The following ANKRD36 variants were observed in gnomAD, a reference collection of about 807,000 sequenced individuals.
The protein encoded by ANKRD36 is ankyrin repeat domain 36.
In ANKRD36, 179 loss-of-function variants were observed where a neutral mutation model predicts 278.1. The ratio of observed to expected loss-of-function variants is 0.64; its 90% CI spans 0.57 to 0.73. The LOEUF (loss-of-function observed/expected upper bound fraction) is 0.73, where lower values mean the gene tolerates loss of function less well. Ranked by LOEUF, ANKRD36 falls within the 30% of genes least tolerant of loss-of-function variation. The pLI is 0.00. For missense variants in ANKRD36, 1,159 were observed against 1,956.7 expected, an observed-to-expected ratio of 0.59 and a Z score of 7.69; for synonymous variants, 320 against 641.1, an observed-to-expected ratio of 0.50 and a Z score of 7.57.
intron 17 of ANKRD36, 64 bp downstream of exon 17, chr2:97,158,719 C>T (rs1274360043): frequency 5.0e-6 from 7 of 1,397,270 alleles, no homozygotes; most frequent in Non-Finnish European, 6.8e-6. Flanking sequence ...TTCACCAACT[C>T]ACTCTTATCT....
intron 24 of ANKRD36, 145 bp from the exon 25 acceptor site, chr2:97,181,453 C>T: frequency 2.1e-6 from 2 of 950,980 alleles, no homozygotes; most frequent in South Asian, 3.6e-5. Context: ...CTGTCATGTT[C>T]CAGTCTCCAG....
In ANKRD36 at chr2:97,209,803, A is replaced by G. The variant is rs1299744411; in HGVS notation, c.3298A>G (p.Thr1100Ala). 6.2e-7 allele frequency: 1 copy of G among 1,600,844 alleles called. No individual in the cohort carries two copies. Among genetic ancestry groups the G allele is most frequent in the Non-Finnish European group, 8.5e-7 (1 of 1,175,916 alleles). Residue 1100 changes from threonine to alanine, a missense_variant, in exon 56 of 76, where the codon ACA (threonine) becomes GCA (alanine). Coordinates refer to ENST00000420699, the MANE Select transcript of ANKRD36 (RefSeq NM_001354587.1). ...SSRKKPALKA[T>A]SDEKDSVLYI... ...TTTCATTTCAAATTCCATTCAGGCT[A>G]CAAGTGACGAGAAAGATTCTGTTTT...
At chr2:97,151,285 C>G (rs551408657) in intron 12 of ANKRD36, among the ~76,000 whole-genome samples, 2 of 151,826 alleles carry the variant, frequency 1.3e-5, no homozygotes, top group Non-Finnish European at 2.9e-5. Flanking sequence ...GGCCTTCATT[C>G]GTGAATCATT....
rs1206067049 is a variant in ANKRD36 at position 97,118,920 on chromosome 2, C to G, written c.486+403C>G. On this transcript the variant is annotated intron_variant, in intron 3 of 75. Transcript: ENST00000420699. ...TGTCAAAGAAAATTAAAGAATTTCA[C>G]AATAAATGTACATGTTGTTGCTGTT... 2.5e-5 allele frequency: 2 copies of G among 78,864 alleles called. 1 individual carries two copies. The highest frequency in any genetic ancestry group is 2.2e-4 in the Admixed American group (2 of 8,992). 4.9% of individuals were successfully genotyped at this position (78,864 alleles called of 1,614,324 possible).
intron 52 of ANKRD36, among the ~76,000 whole-genome samples, chr2:97,206,918 C>G (rs900076488): frequency 6.6e-6 from 1 of 151,490 alleles, no homozygotes; most frequent in Non-Finnish European, 1.5e-5. Context: ...ATAGCTATTT[C>G]ATGAAACTTC....
rs565065385 is a variant in ANKRD36, at chr2:97,207,958, G to A, written c.3217G>A (p.Val1073Ile). The change falls in exon 54 of 76, where the codon GTT (valine) becomes ATT (isoleucine). Residue 1073 changes from valine (V) to isoleucine (I), a missense_variant. Physicochemically the swap from Val to Ile is conservative, Grantham distance 29 (BLOSUM62 3). Coordinates refer to ENST00000420699, the MANE Select transcript of ANKRD36 (RefSeq NM_001354587.1). The stretch of plus-strand genomic sequence containing the variant: ...GGCTACAAGTGCCGAGAAAGATTCT[G>A]TTTTGAATATAGCCAGAGGAAAAAA... Reference protein sequence around the residue: ...LKATSAEKDSVLNIARGKKYG... With the variant: ...LKATSAEKDSILNIARGKKYG... 61 of 1,526,900 alleles carry A rather than the reference G, an allele frequency of 4.0e-5. 5 individuals carry two copies. In the African/African-American group the frequency reaches 8.5e-4, roughly 21 times the overall value. The allele number at this position is 1,526,900 out of a possible 1,614,324, so 94.6% of individuals were successfully genotyped here.
intron 24 of ANKRD36, 93 bp downstream of exon 24, chr2:97,180,026 T>A: frequency 6.4e-7 from 1 of 1,563,012 alleles, no homozygotes. Flanking sequence ...CCATCTAAGC[T>A]GCACGTTCTG....
chr2:97,243,931 G>T lies in ANKRD36; in HGVS notation c.4393G>T (p.Glu1465Ter), dbSNP rs745722728. Residue 1465 changes from glutamate (E) to a stop codon, truncating the protein, a stop_gained, in exon 70 of 76, where the codon GAG becomes TAG. Transcript: ENST00000420699. LOFTEE classifies it high-confidence loss of function. ...TAGGGAAAAGTTAAGAATAACAGAA[G>T]AGCAATATAGGATAGAAGCTGATGT... ...KVREKLRITEEQYRIEADVTK... is the reference protein window; with the variant it reads ...KVREKLRITE 3.7e-6 allele frequency: 6 copies of T among 1,604,486 alleles called. No individual in the cohort carries two copies. The Admixed American group carries it at 1.0e-4, about 27-fold the overall frequency.
At chr2:97,231,887 T>C (rs563333486) in intron 67 of ANKRD36, among the ~76,000 whole-genome samples, 496 of 152,062 alleles carry the variant, frequency 3.3e-3, no homozygotes, top group Non-Finnish European at 8.4e-4. Context: ...AGCACTCAAG[T>C]GTACACTGTT....
chr2:97,184,233 G>T (rs929603798), intron 28 of ANKRD36, among the ~76,000 whole-genome samples: 3 of 151,760 alleles, frequency 2.0e-5, no homozygotes, highest in Non-Finnish European at 4.4e-5. Context: ...CATACCAGAA[G>T]ATTTGATTTC....
rs577598046 is a variant in ANKRD36 at position 97,154,632 on chromosome 2, G to T, written c.1194-43G>T. 6 of 1,419,878 alleles carry T rather than the reference G, an allele frequency of 4.2e-6. No homozygotes were observed. The Admixed American group carries it at 6.1e-5, about 14-fold the overall frequency. 88.0% of individuals were successfully genotyped at this position (1,419,878 alleles called of 1,614,324 possible). A position where few individuals can be genotyped will look rare whatever the true frequency, so the allele number is the denominator to read the frequency against. On this transcript the variant is annotated intron_variant, in intron 14 of 75. Transcript: ENST00000420699. ...ACTGACGGTTTTTGTTTTCTTTTAA[G>T]AAATGAACGTGCTCATTTTTGTAAT...
intron 6 of ANKRD36, among the ~76,000 whole-genome samples, chr2:97,134,457 G>A (rs184170462): frequency 3.9e-4 from 60 of 152,112 alleles, no homozygotes; most frequent in Non-Finnish European, 7.5e-4. Context: ...TTTATAAAAC[G>A]AGTCAGAAAG....
chr2:97,138,338 T>C (rs2042049480), intron 6 of ANKRD36, among the ~76,000 whole-genome samples: 1 of 152,004 alleles, frequency 6.6e-6, no homozygotes, highest in Non-Finnish European at 1.5e-5. Flanking sequence ...CCATACACAA[T>C]TGCTACAAAG....
At chr2:97,117,141 A>T (rs1270342868) in intron 1 of ANKRD36, among the ~76,000 whole-genome samples, 12 of 151,874 alleles carry the variant, frequency 7.9e-5, no homozygotes, top group Non-Finnish European at 1.0e-4. Flanking sequence ...TGACACTCTC[A>T]AATACTACTA....
intron 28 of ANKRD36, among the ~76,000 whole-genome samples, chr2:97,184,972 C>T (rs1478348711): frequency 6.6e-6 from 1 of 151,704 alleles, no homozygotes; most frequent in Non-Finnish European, 1.5e-5. Context: ...TGATGTAGCA[C>T]CTGCTTTGAC....
intron 24 of ANKRD36, 65 bp downstream of exon 24, chr2:97,179,998 A>T (rs578177288): frequency 6.3e-7 from 1 of 1,594,622 alleles, no homozygotes; most frequent in Admixed American, 1.7e-5. Flanking sequence ...CCCTTACCCA[A>T]ATAAATCAGT....
intron 66 of ANKRD36, among the ~76,000 whole-genome samples, chr2:97,220,314 T>C (rs1389448286): frequency 6.7e-6 from 1 of 149,412 alleles, no homozygotes; most frequent in Non-Finnish European, 1.5e-5. Context: ...GTTTTTGTGC[T>C]ATAAAATGCT....
In ANKRD36 at chr2:97,158,654, A is replaced by C. The variant is rs577199159; in HGVS notation, c.1388A>C (p.Lys463Thr). The change falls in exon 17 of 76, where the codon AAG (lysine) becomes ACG (threonine). Residue 463 changes from lysine (K) to threonine (T), a missense_variant and splice_region_variant. Coordinates refer to ENST00000420699, the MANE Select transcript of ANKRD36 (RefSeq NM_001354587.1). ...GNMFEDQNVD[K>T]EGKALPATGQ... is the part of the protein sequence containing the mutation. ...ATGTTTGAAGACCAAAATGTTGATA[A>C]GGTAAATGAAGATGTGGTTAAAAGC... The C allele has an allele frequency of 5.2e-6, 8 of 1,536,258 alleles. No individual in the cohort carries two copies. Among genetic ancestry groups the C allele is most frequent in the African/African-American group, 1.4e-5 (1 of 73,174 alleles).
chr2:97,144,180 G>A (rs1366109413), intron 8 of ANKRD36, among the ~76,000 whole-genome samples: 1 of 152,064 alleles, frequency 6.6e-6, no homozygotes, highest in Non-Finnish European at 1.5e-5. Flanking sequence ...CTTCGACATT[G>A]ATTCCCAAGT....
Sources: allele counts gnomAD v4.1 joint callset (sites outside exome capture counted in the v4.1 genomes callset), GRCh38; gene constraint gnomAD v4.1.1; transcripts MANE v1.5; gene names NCBI Gene and HGNC (gene_info 2026-07-23, HGNC 2026-07-21).